Variants in MAP4K5 observed in about 807,000 individuals in gnomAD.
The protein encoded by MAP4K5 is MAPK/ERK kinase kinase kinase 5.
MAP4K5 carries 82 observed loss-of-function variants against 135.6 expected under a neutral mutation model. The observed-to-expected ratio is 0.60, with a 90% confidence interval of 0.51 to 0.73. The LOEUF (loss-of-function observed/expected upper bound fraction) is 0.73. MAP4K5 is among the 30% of genes least tolerant of loss of function. The probability of loss-of-function intolerance (pLI) is 0.00; values close to 1 mark genes in which losing one functional copy is unlikely to be tolerated. For missense variants in MAP4K5, 907 were observed against 1,010.9 expected (o/e 0.90, Z 1.39); for synonymous variants, 347 against 335.0 (o/e 1.04, Z -0.39).
chr14:50,478,788 C>G (rs2037165803), intron 6 of MAP4K5, among the ~76,000 whole-genome samples: 1 of 151,930 alleles, frequency 6.6e-6, no homozygotes, highest in South Asian at 2.1e-4. Context: ...TCTATTTTGC[C>G]TTTGTTTTTG....
intron 13 of MAP4K5, among the ~76,000 whole-genome samples, chr14:50,458,332 C>G (rs988133080): frequency 1.3e-5 from 2 of 152,124 alleles, no homozygotes; most frequent in African/African-American, 4.8e-5. Context: ...GGACAGTATT[C>G]ATGAGCATTT....
chr14:50,558,427 T>C (rs2038791670), intron 1 of MAP4K5, among the ~76,000 whole-genome samples: 1 of 152,204 alleles, frequency 6.6e-6, no homozygotes, highest in South Asian at 2.1e-4. Flanking sequence ...TGAAATTGAT[T>C]CAGGCAAGGA....
At chr14:50,429,596 T>A (rs779434699) in intron 28 of MAP4K5, among the ~76,000 whole-genome samples, 6 of 152,194 alleles carry the variant, frequency 3.9e-5, no homozygotes, top group Non-Finnish European at 8.8e-5. Context: ...ATGGCTCGAT[T>A]TTGCTCTGCA....
intron 3 of MAP4K5, among the ~76,000 whole-genome samples, chr14:50,489,418 T>C (rs2037434745): frequency 6.6e-6 from 1 of 152,194 alleles, no homozygotes; most frequent in South Asian, 2.1e-4. Context: ...AGGATGAGAC[T>C]AGTTGAGAAC....
intron 3 of MAP4K5, among the ~76,000 whole-genome samples, chr14:50,487,110 C>G (rs1402145604): frequency 6.6e-6 from 1 of 152,146 alleles, no homozygotes. Context: ...TTTTAAAGAA[C>G]CTATCACTAC....
chr14:50,455,657 T>C (rs2036582005), intron 14 of MAP4K5, among the ~76,000 whole-genome samples: 1 of 152,232 alleles, frequency 6.6e-6, no homozygotes, highest in South Asian at 2.1e-4. Flanking sequence ...TTTGGGTTTA[T>C]GAAAACTCAG....
At chr14:50,503,713 C>T (rs2037753269) in intron 3 of MAP4K5, among the ~76,000 whole-genome samples, 1 of 151,968 alleles carries the variant, frequency 6.6e-6, no homozygotes, top group Non-Finnish European at 1.5e-5. Context: ...GTAAGTGAAA[C>T]CGTGTTGTAA....
At chr14:50,533,990 A>C (rs767061014), upstream of MAP4K5, among the ~76,000 whole-genome samples, 39 of 152,176 alleles carry the variant, frequency 2.6e-4, 1 homozygote, top group Non-Finnish European at 1.0e-4. Flanking sequence ...AAATTGTTGA[A>C]GAACAGTTCC....
chr14:50,557,659 G>A (rs1241818216), intron 1 of MAP4K5, among the ~76,000 whole-genome samples: 3 of 152,120 alleles, frequency 2.0e-5, no homozygotes, highest in Non-Finnish European at 4.4e-5. Context: ...AACCATGTAT[G>A]TTTATATTTT....
At chr14:50,518,840 GA>G (rs1340271193) in intron 2 of MAP4K5, among the ~76,000 whole-genome samples, 1 of 152,324 alleles carries the variant, frequency 6.6e-6, no homozygotes, top group African/African-American at 2.4e-5. Flanking sequence ...AATGGCAAAG[GA>G]AAGGGAGGAA....
Position 50,466,622 on chromosome 14 carries a change from CT to C in MAP4K5, c.697del (p.Ser233ValfsTer8), listed in dbSNP as rs1555353633. ...CTTTAGTTTTGGAGGCTGAAAATTA[CT>C]TTTTGACATTAAGAAGAGAGCCCTG... Reference protein sequence around the residue: ...PMRALFLMSKSNFQPPKLKDK... With the variant: ...PMRALFLMSKXNFQPPKLKDK... On this transcript the variant is annotated frameshift_variant, in exon 11 of 33. Transcript: ENST00000682126. LOFTEE classifies it high-confidence loss of function. 2.1e-6 allele frequency: 3 copies of C among 1,457,360 alleles called. No individual in the cohort carries two copies. Among genetic ancestry groups the C allele is most frequent in the Non-Finnish European group, 2.8e-6 (3 of 1,062,382 alleles). 90.3% of individuals were successfully genotyped at this position (1,457,360 alleles called of 1,614,324 possible).
At chr14:50,449,621 A>C (rs1303601389) in intron 14 of MAP4K5, 1 of 152,226 alleles carries the variant, frequency 6.6e-6, no homozygotes, top group Non-Finnish European at 1.5e-5. Context: ...AAGCAAACAC[A>C]AAGTACTGAC....
intron 4 of MAP4K5, 40 bp downstream of exon 4, chr14:50,486,064 T>C: frequency 2.6e-6 from 2 of 760,040 alleles, no homozygotes; most frequent in Non-Finnish European, 2.2e-6. Context: ...GCAAAGAATA[T>C]ATAAAATACA....
chr14:50,506,191 G>C (rs1052694817), intron 2 of MAP4K5, among the ~76,000 whole-genome samples: 1 of 152,038 alleles, frequency 6.6e-6, no homozygotes, highest in African/African-American at 2.4e-5. Flanking sequence ...TCTGAGGAAA[G>C]AAGAGAAAAA....
intron 1 of MAP4K5, chr14:50,560,131 A>T: frequency 9.6e-7 from 1 of 1,039,916 alleles, no homozygotes; most frequent in Non-Finnish European, 1.5e-6. Context: ...CACCAGCGCC[A>T]CAGCAACATC....
At chr14:50,443,700 CAA>C in intron 20 of MAP4K5, 27 bp downstream of exon 20, 1 of 1,562,882 alleles carries the variant, frequency 6.4e-7, no homozygotes. Flanking sequence ...GAAAAAACGG[CAA>C]ATAGTTCACA....
At chr14:50,501,656 T>C (rs2208098) in intron 3 of MAP4K5, among the ~76,000 whole-genome samples, 26,633 of 151,834 alleles carry the variant, frequency 0.18, 2,790 homozygotes, top group East Asian at 0.53. Context: ...GCCACATAAA[T>C]ATAAACAAAA....
At chr14:50,478,732 G>C (rs1022508644) in intron 6 of MAP4K5, among the ~76,000 whole-genome samples, 2 of 152,052 alleles carry the variant, frequency 1.3e-5, no homozygotes, top group African/African-American at 4.8e-5. Flanking sequence ...TTGTAGGATA[G>C]GTCTGCTGGT....
intron 1 of MAP4K5, among the ~76,000 whole-genome samples, chr14:50,548,831 G>A (rs573272679): frequency 6.6e-6 from 1 of 152,132 alleles, no homozygotes; most frequent in African/African-American, 2.4e-5. Context: ...ATGAAAGGGG[G>A]CAGAATCCCA....
Sources: allele counts gnomAD v4.1 joint callset (sites outside exome capture counted in the v4.1 genomes callset), GRCh38; gene constraint gnomAD v4.1.1; transcripts MANE v1.5; gene names NCBI Gene and HGNC (gene_info 2026-07-23, HGNC 2026-07-21).